TACC2: variants seen among roughly 807,000 people sequenced by gnomAD.
The protein encoded by TACC2 is transforming acidic coiled-coil containing protein 2.
Under a neutral mutation model 227.3 loss-of-function variants are expected in TACC2, and 137 were observed. That is an observed-to-expected ratio of 0.60 (90% CI 0.52 to 0.69). TACC2 has a LOEUF of 0.69. Among genes scored for constraint, TACC2 ranks in the 30% least tolerant of loss-of-function variants. The probability of loss-of-function intolerance (pLI) is 0.00; values close to 1 mark genes in which losing one functional copy is unlikely to be tolerated. For synonymous variants in TACC2, 1,523 were observed against 1,487.5 expected, an observed-to-expected ratio of 1.02 and a Z score of -0.55; for missense variants, 3,470 against 3,694.4, an observed-to-expected ratio of 0.94 and a Z score of 1.57.
At chr10:122,219,016 C>T (rs1395037415) in intron 11 of TACC2, among the ~76,000 whole-genome samples, 6 of 29,646 alleles carry the variant, frequency 2.0e-4, no homozygotes, top group South Asian at 1.4e-3. Context: ...TGAGACTCGT[C>T]TCAAAAAAAA....
chr10:122,192,737 C>T (rs781568023), intron 7 of TACC2: 21 of 456,564 alleles, frequency 4.6e-5, no homozygotes, highest in Non-Finnish European at 8.4e-5. Context: ...TGGATGTGGA[C>T]AGCGGTGACC....
Position 122,242,012 on chromosome 10 carries a change from T to C in TACC2, c.8392+11T>C. On this transcript the variant is annotated intron_variant, in intron 19 of 22. Transcript: ENST00000369005. ...TCGCTCAGATGATAGGTAGGTGTCC[T>C]GACCTGCGGGGGCTCAGGCCGGCCC... is the stretch of plus-strand genomic sequence containing the variant. 1 of 1,613,890 alleles carries C rather than the reference T, an allele frequency of 6.2e-7. No individual in the cohort carries two copies. The highest frequency in any genetic ancestry group is 8.5e-7 in the Non-Finnish European group (1 of 1,179,714).
chr10:122,155,569 G>A (rs2092407793), intron 7 of TACC2, among the ~76,000 whole-genome samples: 1 of 152,118 alleles, frequency 6.6e-6, no homozygotes, highest in African/African-American at 2.4e-5. Context: ...CTTAGGTGAG[G>A]GTGTTGGCTC....
At chr10:122,043,727 C>T (rs956335531) in intron 2 of TACC2, among the ~76,000 whole-genome samples, 7 of 152,074 alleles carry the variant, frequency 4.6e-5, no homozygotes, top group African/African-American at 1.4e-4. Flanking sequence ...CTACAGGTGC[C>T]CACCACCACA....
intron 3 of TACC2, among the ~76,000 whole-genome samples, chr10:122,066,715 G>C (rs115092265): frequency 6.6e-6 from 1 of 152,132 alleles, no homozygotes; most frequent in Non-Finnish European, 1.5e-5. Flanking sequence ...AAAATCTGTA[G>C]CTTTTAACTG....
chr10:122,158,861 A>G (rs1358486151), intron 7 of TACC2, among the ~76,000 whole-genome samples: 2 of 152,214 alleles, frequency 1.3e-5, no homozygotes, highest in African/African-American at 4.8e-5. Context: ...TCTATTCATC[A>G]TAAGACAGAG....
intron 14 of TACC2, among the ~76,000 whole-genome samples, chr10:122,229,055 G>A (rs946744955): frequency 1.3e-5 from 2 of 151,880 alleles, no homozygotes; most frequent in Non-Finnish European, 2.9e-5. Flanking sequence ...TTCACCTTCC[G>A]CTGGCTAGCT....
chr10:122,049,283 T>G (rs1306935091), intron 2 of TACC2, among the ~76,000 whole-genome samples: 1 of 152,134 alleles, frequency 6.6e-6, no homozygotes, highest in Non-Finnish European at 1.5e-5. Flanking sequence ...TCGGCTTTTC[T>G]CTGCCTGCGA....
At chr10:122,097,268 G>T (rs578046688) in intron 5 of TACC2, among the ~76,000 whole-genome samples, 13 of 152,322 alleles carry the variant, frequency 8.5e-5, no homozygotes, top group African/African-American at 3.1e-4. Flanking sequence ...GGTCGAGGCT[G>T]CAGTGAGCCA....
At chr10:122,131,432 C>T (rs2088085715) in intron 5 of TACC2, among the ~76,000 whole-genome samples, 1 of 152,118 alleles carries the variant, frequency 6.6e-6, no homozygotes, top group Non-Finnish European at 1.5e-5. Context: ...AAGGACTGAG[C>T]CTCTTCTAGC....
chr10:122,007,854 T>G (rs1052706659), intron 1 of TACC2, among the ~76,000 whole-genome samples: 33 of 152,300 alleles, frequency 2.2e-4, no homozygotes, highest in Middle Eastern at 3.4e-3. Flanking sequence ...ATTAATCCAC[T>G]CATGAATTAA....
intron 5 of TACC2, among the ~76,000 whole-genome samples, chr10:122,095,334 C>T (rs1315692635): frequency 3.9e-5 from 6 of 152,238 alleles, no homozygotes; most frequent in Non-Finnish European, 7.3e-5. Flanking sequence ...CTGGGGCCAT[C>T]GCCTTGCGGG....
chr10:122,137,100 A>G (rs2089827222), intron 6 of TACC2, among the ~76,000 whole-genome samples: 1 of 151,832 alleles, frequency 6.6e-6, no homozygotes. Flanking sequence ...CCCTTTCTCT[A>G]TTGTTAATGC....
rs1344243487 is a variant in TACC2, at chr10:122,225,978, T to TCAGCTATG, written c.7609-387_7609-380dup. Among the ~76,000 whole-genome samples the TCAGCTATG allele has an allele frequency of 5.9e-5, 9 of 152,294 alleles. No homozygotes were observed. The East Asian group carries it at 1.7e-3, about 29-fold the overall frequency. On this transcript the variant is annotated intron_variant, in intron 12 of 22. Coordinates refer to ENST00000369005, the MANE Select transcript of TACC2 (RefSeq NM_206862.4). ...GGCCCTGCCCCTGCCCTGGGCTCAT[T>TCAGCTATG]CAGCTATGGTCAGCCCAGGTCTAGG...
chr10:122,222,595 C>A (rs1433945403), intron 11 of TACC2, among the ~76,000 whole-genome samples: 1 of 152,200 alleles, frequency 6.6e-6, no homozygotes, highest in Non-Finnish European at 1.5e-5. Context: ...AAGGGACTTC[C>A]TTTTGGCAGG....
chr10:122,230,794 G>T (rs2095725671), intron 16 of TACC2, among the ~76,000 whole-genome samples: 1 of 151,910 alleles, frequency 6.6e-6, no homozygotes, highest in Admixed American at 6.6e-5. Context: ...TGACCTTTGA[G>T]GGTTTTTTTT....
At chr10:122,162,677 T>C (rs2092893520) in intron 7 of TACC2, among the ~76,000 whole-genome samples, 3 of 152,302 alleles carry the variant, frequency 2.0e-5, no homozygotes, top group African/African-American at 7.2e-5. Context: ...GAGCCTGCCA[T>C]AGGCCAGGGA....
At chr10:122,243,411 A>G (rs1054195348) in intron 19 of TACC2, among the ~76,000 whole-genome samples, 7 of 152,182 alleles carry the variant, frequency 4.6e-5, no homozygotes, top group Non-Finnish European at 2.9e-5. Flanking sequence ...CAAGGTAAAT[A>G]TAATAGTAGC....
At chr10:122,128,622 T>G (rs1050804837) in intron 5 of TACC2, among the ~76,000 whole-genome samples, 1 of 152,212 alleles carries the variant, frequency 6.6e-6, no homozygotes, top group Non-Finnish European at 1.5e-5. Flanking sequence ...GCTTTCTGAT[T>G]GTCTCCATCT....
Sources: allele counts gnomAD v4.1 joint callset (sites outside exome capture counted in the v4.1 genomes callset), GRCh38; gene constraint gnomAD v4.1.1; transcripts MANE v1.5; gene names NCBI Gene and HGNC (gene_info 2026-07-23, HGNC 2026-07-21).